The following RPS6KC1 variants were observed in gnomAD, a reference collection of about 807,000 sequenced individuals.
RPS6KC1 encodes the protein inactive ribosomal protein S6 kinase delta-1.
RPS6KC1 carries 54 observed loss-of-function variants against 103.8 expected under a neutral mutation model. The observed-to-expected ratio is 0.52, with a 90% confidence interval of 0.42 to 0.65. The LOEUF (loss-of-function observed/expected upper bound fraction) is 0.65. Among genes scored for constraint, RPS6KC1 ranks in the 30% least tolerant of loss-of-function variants. The pLI is 0.00. For synonymous variants in RPS6KC1, 439 were observed against 438.7 expected (o/e 1.00, Z -0.01); for missense variants, 1,151 against 1,253.8 (o/e 0.92, Z 1.24).
the RPS6KC1 span, among the ~76,000 whole-genome samples, chr1:213,504,417 C>T: frequency 1.3e-5 from 2 of 152,044 alleles, no homozygotes; most frequent in Non-Finnish European, 2.9e-5. Context: ...TGTTGTGTTT[C>T]CTACTGTCTT....
At chr1:213,602,143 T>C in the RPS6KC1 span, among the ~76,000 whole-genome samples, 1 of 88,808 alleles carries the variant, frequency 1.1e-5, no homozygotes, top group Non-Finnish European at 2.2e-5. Flanking sequence ...TCTTTCTTTC[T>C]TTCTTTCTTT....
At chr1:213,586,740 G>A in the RPS6KC1 span, among the ~76,000 whole-genome samples, 1 of 152,272 alleles carries the variant, frequency 6.6e-6, no homozygotes, top group Non-Finnish European at 1.5e-5. Flanking sequence ...TAGGTGATAT[G>A]GATCCCAGGG....
At chr1:213,658,706 G>A in the RPS6KC1 span, among the ~76,000 whole-genome samples, 2 of 152,316 alleles carry the variant, frequency 1.3e-5, no homozygotes, top group African/African-American at 4.8e-5. Context: ...TAAATAGAGG[G>A]ACTGTGAACA....
chr1:213,777,448 C>T, the RPS6KC1 span, among the ~76,000 whole-genome samples: 1 of 152,160 alleles, frequency 6.6e-6, no homozygotes, highest in Admixed American at 6.5e-5. Context: ...GCAGTCAGAA[C>T]ACACACACTT....
chr1:213,453,843 T>A, the RPS6KC1 span, among the ~76,000 whole-genome samples: 1 of 152,186 alleles, frequency 6.6e-6, no homozygotes, highest in South Asian at 2.1e-4. Context: ...ACAACACAGG[T>A]CCAGGTCTGA....
the RPS6KC1 span, among the ~76,000 whole-genome samples, chr1:213,555,299 C>T: frequency 6.6e-6 from 1 of 152,204 alleles, no homozygotes; most frequent in African/African-American, 2.4e-5. Context: ...GGCAGCAAGG[C>T]CCTTGGCAGT....
the RPS6KC1 span, among the ~76,000 whole-genome samples, chr1:213,363,810 CT>C: frequency 0.12 from 5,258 of 43,498 alleles, 955 homozygotes; most frequent in African/African-American, 0.23. Context: ...TTCTTTCTTT[CT>C]TTCTTCTCTC....
chr1:213,855,364 G>A, the RPS6KC1 span, among the ~76,000 whole-genome samples: 1 of 152,206 alleles, frequency 6.6e-6, no homozygotes, highest in Non-Finnish European at 1.5e-5. Context: ...CACTTCTCTT[G>A]TATTTCAAAG....
the RPS6KC1 span, among the ~76,000 whole-genome samples, chr1:213,671,925 A>T: frequency 6.6e-6 from 1 of 151,604 alleles, no homozygotes; most frequent in Admixed American, 6.6e-5. Flanking sequence ...AATATATATG[A>T]TTATTGCTTG....
the RPS6KC1 span, among the ~76,000 whole-genome samples, chr1:213,535,371 G>A: frequency 1.3e-5 from 2 of 152,200 alleles, no homozygotes; most frequent in Non-Finnish European, 2.9e-5. Context: ...AGAACGGAAA[G>A]CAGAGTAATA....
At chr1:213,602,126 CTTTCTT>C in the RPS6KC1 span, among the ~76,000 whole-genome samples, 4 of 40,810 alleles carry the variant, frequency 9.8e-5, no homozygotes, top group Non-Finnish European at 1.8e-4. Flanking sequence ...CTTTCTCTTT[CTTTCTT>C]TCTTTCTTTC....
At chr1:213,184,167 A>G (rs1297364367) in intron 8 of RPS6KC1, among the ~76,000 whole-genome samples, 1 of 152,146 alleles carries the variant, frequency 6.6e-6, no homozygotes, top group Non-Finnish European at 1.5e-5. Context: ...GAATTCTACC[A>G]TACTTTTAGA....
chr1:213,217,995 T>TG (rs2093714446), intron 8 of RPS6KC1, among the ~76,000 whole-genome samples: 1 of 152,162 alleles, frequency 6.6e-6, no homozygotes, highest in Non-Finnish European at 1.5e-5. Context: ...CCACTCCTAT[T>TG]GAACGTATTG....
the RPS6KC1 span, among the ~76,000 whole-genome samples, chr1:213,295,540 A>C: frequency 6.6e-6 from 1 of 152,234 alleles, no homozygotes; most frequent in Non-Finnish European, 1.5e-5. Context: ...TTTGGAAATC[A>C]AATTATTTGC....
the RPS6KC1 span, among the ~76,000 whole-genome samples, chr1:213,830,102 T>G: frequency 1.3e-5 from 2 of 152,160 alleles, no homozygotes; most frequent in African/African-American, 4.8e-5. Context: ...ATGCAGGCCG[T>G]GAGGAAAACT....
At chr1:213,828,158 G>A in the RPS6KC1 span, among the ~76,000 whole-genome samples, 1 of 152,102 alleles carries the variant, frequency 6.6e-6, no homozygotes, top group South Asian at 2.1e-4. Flanking sequence ...CTATAGACAG[G>A]GAACTGAAAG....
chr1:213,590,897 G>A, the RPS6KC1 span, among the ~76,000 whole-genome samples: 1 of 152,082 alleles, frequency 6.6e-6, no homozygotes, highest in African/African-American at 2.4e-5. Flanking sequence ...TATCCTTCAG[G>A]ATCCAAAGAG....
At chr1:213,708,199 T>C in the RPS6KC1 span, among the ~76,000 whole-genome samples, 1 of 152,204 alleles carries the variant, frequency 6.6e-6, no homozygotes, top group Non-Finnish European at 1.5e-5. Flanking sequence ...CTTGTTTGTG[T>C]CCTCTCTTAT....
the RPS6KC1 span, among the ~76,000 whole-genome samples, chr1:213,558,210 A>AT: frequency 2.0e-5 from 3 of 152,248 alleles, no homozygotes; most frequent in Admixed American, 2.0e-4. Context: ...ATCTTTGCAG[A>AT]TAACAGGAGT....
Sources: allele counts gnomAD v4.1 joint callset (sites outside exome capture counted in the v4.1 genomes callset), GRCh38; gene constraint gnomAD v4.1.1; transcripts MANE v1.5; gene names NCBI Gene and HGNC (gene_info 2026-07-23, HGNC 2026-07-21).